The following ADARB2 variants were observed in gnomAD, a reference collection of about 807,000 sequenced individuals.
The protein encoded by ADARB2 is inactive double-stranded RNA-specific editase B2.
ADARB2 carries 25 observed loss-of-function variants against 62.2 expected under a neutral mutation model. The ratio of observed to expected loss-of-function variants is 0.40; its 90% CI spans 0.29 to 0.56. The LOEUF is 0.56. ADARB2 is among the 20% of genes least tolerant of loss of function. The probability of loss-of-function intolerance (pLI) is 0.43; values close to 1 mark genes in which losing one functional copy is unlikely to be tolerated. For missense variants in ADARB2, 1,071 were observed against 1,077.4 expected (o/e 0.99, Z 0.08); for synonymous variants, 572 against 500.8 (o/e 1.14, Z -1.90).
chr10:1,321,008 G>C (rs1831789897), intron 3 of ADARB2, among the ~76,000 whole-genome samples: 1 of 152,190 alleles, frequency 6.6e-6, no homozygotes, highest in Admixed American at 6.5e-5. Context: ...GAAATGTTCT[G>C]ATGACATTAG....
At chr10:1,393,635 T>C (rs1163725088) in intron 1 of ADARB2, among the ~76,000 whole-genome samples, 1 of 152,190 alleles carries the variant, frequency 6.6e-6, no homozygotes, top group Non-Finnish European at 1.5e-5. Context: ...ACAGCGACTA[T>C]GGTACTGTGC....
At chr10:1,622,839 G>A (rs1036588600) in intron 1 of ADARB2, among the ~76,000 whole-genome samples, 1 of 152,134 alleles carries the variant, frequency 6.6e-6, no homozygotes, top group Non-Finnish European at 1.5e-5. Flanking sequence ...CCACCTCGGA[G>A]GAATGAAAAC....
chr10:1,730,562 A>C (rs1445453463), intron 1 of ADARB2, among the ~76,000 whole-genome samples: 1 of 152,220 alleles, frequency 6.6e-6, no homozygotes, highest in Non-Finnish European at 1.5e-5. Context: ...AAAAACTTTC[A>C]AAAATTTCAC....
At chr10:1,493,627 T>G (rs929904471) in intron 1 of ADARB2, among the ~76,000 whole-genome samples, 1 of 151,874 alleles carries the variant, frequency 6.6e-6, no homozygotes, top group African/African-American at 2.4e-5. Context: ...TGTTCAGTGC[T>G]GAGAGGACCA....
intron 1 of ADARB2, among the ~76,000 whole-genome samples, chr10:1,719,714 A>T (rs1313039486): frequency 6.6e-6 from 1 of 152,248 alleles, no homozygotes; most frequent in Non-Finnish European, 1.5e-5. Context: ...AAACAACCCT[A>T]TTAAAAAATG....
chr10:1,193,193 C>T (rs1030193464), intron 8 of ADARB2, among the ~76,000 whole-genome samples: 1 of 152,192 alleles, frequency 6.6e-6, no homozygotes, highest in Admixed American at 6.5e-5. Flanking sequence ...GGGCGGTGTC[C>T]TCTCAGGAGG....
At chr10:1,481,698 A>G (rs989466148) in intron 1 of ADARB2, among the ~76,000 whole-genome samples, 5 of 152,176 alleles carry the variant, frequency 3.3e-5, no homozygotes, top group African/African-American at 7.2e-5. Context: ...CTCTACTAAA[A>G]ATACAAAAAT....
intron 1 of ADARB2, among the ~76,000 whole-genome samples, chr10:1,703,553 A>T (rs963444898): frequency 2.6e-5 from 4 of 152,158 alleles, no homozygotes; most frequent in African/African-American, 9.7e-5. Context: ...CTGGAAAGTG[A>T]GGTATGTGGA....
chr10:1,371,260 A>T (rs1336846641), intron 2 of ADARB2, among the ~76,000 whole-genome samples: 2 of 152,194 alleles, frequency 1.3e-5, no homozygotes, highest in African/African-American at 4.8e-5. Flanking sequence ...ATGAAACTGG[A>T]CCCCTATCTC....
chr10:1,339,430 G>T (rs1327488350), intron 3 of ADARB2, among the ~76,000 whole-genome samples: 1 of 152,240 alleles, frequency 6.6e-6, no homozygotes, highest in Non-Finnish European at 1.5e-5. Flanking sequence ...TCATGTAATA[G>T]GTTGTGAGGA....
chr10:1,192,478 C>T lies in ADARB2; in HGVS notation c.1865-7439G>A, dbSNP rs1314696142. 2.6e-5 allele frequency among the ~76,000 whole-genome samples: 4 copies of T among 152,150 alleles called. 1 individual carries two copies. Among genetic ancestry groups the T allele is most frequent in the East Asian group, 1.9e-4 (1 of 5,206 alleles). On this transcript the variant is annotated intron_variant, in intron 8 of 9. Coordinates refer to ENST00000381312, the MANE Select transcript of ADARB2 (RefSeq NM_018702.4). The stretch of plus-strand genomic sequence containing the variant: ...CTAACTTCTAAGGCTGTATTAATGC[C>T]GTTTTATTCATTATCATTGATATGA...
At chr10:1,418,991 T>C (rs1331229156) in intron 1 of ADARB2, among the ~76,000 whole-genome samples, 1 of 152,228 alleles carries the variant, frequency 6.6e-6, no homozygotes, top group African/African-American at 2.4e-5. Flanking sequence ...TGGATCTTGG[T>C]TGCATAGTGT....
chr10:1,569,259 A>AGAGC (rs1191685597), intron 1 of ADARB2, among the ~76,000 whole-genome samples: 2 of 151,988 alleles, frequency 1.3e-5, no homozygotes, highest in African/African-American at 4.8e-5. Context: ...GGAGAGACAG[A>AGAGC]GAGCGAGAGA....
intron 1 of ADARB2, among the ~76,000 whole-genome samples, chr10:1,657,303 A>G (rs1253343878): frequency 2.6e-5 from 4 of 152,222 alleles, no homozygotes; most frequent in African/African-American, 9.6e-5. Context: ...AATTCTAATT[A>G]ATGGCTTGCT....
chr10:1,713,824 G>T (rs1293797956), intron 1 of ADARB2, among the ~76,000 whole-genome samples: 1 of 152,172 alleles, frequency 6.6e-6, no homozygotes, highest in African/African-American at 2.4e-5. Context: ...ACTTCCTTGA[G>T]GACACAGAGA....
At chr10:1,390,372 G>T (rs562683163) in intron 1 of ADARB2, among the ~76,000 whole-genome samples, 18 of 152,308 alleles carry the variant, frequency 1.2e-4, no homozygotes, top group African/African-American at 4.1e-4. Context: ...GTATTTAGAT[G>T]GGGCATGTGC....
chr10:1,458,895 C>G (rs1831131816), intron 1 of ADARB2, among the ~76,000 whole-genome samples: 1 of 152,144 alleles, frequency 6.6e-6, no homozygotes, highest in South Asian at 2.1e-4. Flanking sequence ...TAAAAAGGTA[C>G]TTTTCAAAAG....
chr10:1,430,739 CA>C (rs113983256), intron 1 of ADARB2, among the ~76,000 whole-genome samples: 28,571 of 133,426 alleles, frequency 0.21, 3,097 homozygotes, highest in East Asian at 0.46. Flanking sequence ...GACTCCGTCT[CA>C]AAAAAAAAAA....
At chr10:1,188,680 C>T (rs1302511760) in intron 8 of ADARB2, among the ~76,000 whole-genome samples, 1 of 149,594 alleles carries the variant, frequency 6.7e-6, no homozygotes, top group East Asian at 2.0e-4. Flanking sequence ...AATACTCACA[C>T]AGGCAGTAGT....
Sources: gnomAD v4.1 joint callset for allele counts (sites outside exome capture counted in the v4.1 genomes callset) on GRCh38, gnomAD v4.1.1 for gene constraint, MANE v1.5 for transcripts, NCBI Gene and HGNC (gene_info 2026-07-23, HGNC 2026-07-21) for gene names.